FRMPD4: variants seen among roughly 807,000 people sequenced by gnomAD.
FRMPD4 encodes FERM and PDZ domain-containing protein 4.
Under a neutral mutation model 94.1 loss-of-function variants are expected in FRMPD4, and 22 were observed. The observed-to-expected ratio is 0.23, with a 90% confidence interval of 0.17 to 0.33. The LOEUF (loss-of-function observed/expected upper bound fraction) is 0.33, where lower values mean the gene tolerates loss of function less well. Ranked by LOEUF, FRMPD4 falls within the 10% of genes least tolerant of loss-of-function variation. The pLI is 1.00. For missense variants in FRMPD4, 1,111 were observed against 1,339.9 expected (o/e 0.83, Z 2.67); for synonymous variants, 631 against 548.6 (o/e 1.15, Z -2.10).
chrX:12,130,378 G>C (rs2055542262), intron 3 of FRMPD4, among the ~76,000 whole-genome samples: 1 of 111,062 alleles, frequency 9.0e-6, no homozygotes, highest in Non-Finnish European at 1.9e-5. Context: ...GAAGCAGGGA[G>C]GAGGGAGGGA....
chrX:12,509,251 A>C (rs2058018791), intron 2 of FRMPD4, among the ~76,000 whole-genome samples: 1 of 111,441 alleles, frequency 9.0e-6, no homozygotes, highest in Non-Finnish European at 1.9e-5. Context: ...ACCCAGAGGA[A>C]AAGAAGTCAT....
At chrX:12,621,968 GAGAAAGAAAGAAAGAAAGAAAGAA>G (rs1171799513) in intron 4 of FRMPD4, among the ~76,000 whole-genome samples, 1 of 41,077 alleles carries the variant, frequency 2.4e-5, no homozygotes, top group African/African-American at 1.1e-4. Flanking sequence ...AAGAAAGAAA[GAGAAAGAAAGAAAGAAAGAAAGAA>G]AGAAAGAAAG....
At chrX:12,524,542 G>C (rs1417702003) in intron 2 of FRMPD4, among the ~76,000 whole-genome samples, 1 of 111,715 alleles carries the variant, frequency 9.0e-6, no homozygotes, top group Non-Finnish European at 1.9e-5. Context: ...ATGATGGAGA[G>C]AAGGAAGAAG....
intron 1 of FRMPD4, among the ~76,000 whole-genome samples, chrX:12,162,339 G>C (rs1398150434): frequency 1.8e-5 from 2 of 112,147 alleles, no homozygotes; most frequent in Admixed American, 9.4e-5. Flanking sequence ...ACAATAGCAA[G>C]CTTAAGAAAG....
At chrX:12,067,263 C>T (rs1268028321) in intron 3 of FRMPD4, among the ~76,000 whole-genome samples, 1 of 110,820 alleles carries the variant, frequency 9.0e-6, no homozygotes, top group South Asian at 3.9e-4. Context: ...AGATAGCCAC[C>T]GCACCTTTGA....
intron 1 of FRMPD4, among the ~76,000 whole-genome samples, chrX:12,160,068 GGTGTGTGTGTGT>G (rs757966489): frequency 1.7e-4 from 17 of 100,083 alleles, no homozygotes; most frequent in Admixed American, 3.3e-4. Flanking sequence ...GATGTTGAGG[GGTGTGTGTGTGT>G]GTGTGTGTGT....
At chrX:12,626,402 G>GA (rs943587150) in intron 4 of FRMPD4, among the ~76,000 whole-genome samples, 2 of 105,639 alleles carry the variant, frequency 1.9e-5, no homozygotes, top group Non-Finnish European at 3.9e-5. Flanking sequence ...CAAAGACAAA[G>GA]AAAAAATTCT....
rs144183507 is a variant in FRMPD4 at position 12,478,438 on chromosome X, G to A, written c.42-20242G>A. 7.7e-4 allele frequency among the ~76,000 whole-genome samples: 86 copies of A among 111,628 alleles called. 1 individual carries two copies. The East Asian group carries it at 0.019, about 24-fold the overall frequency. On this transcript the variant is annotated intron_variant, in intron 1 of 16. Transcript: ENST00000675598. ...AAAAATAAAAATAAATTAGCTAGGC[G>A]CATGGTGGTGCGTGCTATGCCTGTG...
chrX:12,055,609 TA>T (rs1267540509), intron 3 of FRMPD4, among the ~76,000 whole-genome samples: 1 of 111,859 alleles, frequency 8.9e-6, no homozygotes, highest in East Asian at 2.8e-4. Flanking sequence ...ATACATTACC[TA>T]GCCTCAGGTA....
At position 12,553,460 on chromosome X, in the gene FRMPD4, A is replaced by ATATATATATG. The variant is rs769330484; in HGVS notation, c.158+54671_158+54672insATGTATATAT. On this transcript the variant is annotated intron_variant, in intron 2 of 16. Transcript: ENST00000675598. ...TATATATATATATATATATATATAT[A>ATATATATATG]TATATATCTAATCCACTAATTTATT... Among the ~76,000 whole-genome samples, 453 of 81,527 alleles carry ATATATATATG rather than the reference A, an allele frequency of 5.6e-3. 9 individuals are homozygous for ATATATATATG. The highest frequency in any genetic ancestry group is 6.6e-3 in the Non-Finnish European group (291 of 44,407). The allele number at this position is 81,527 out of a possible 115,157, so 70.8% of individuals were successfully genotyped here. A position where few individuals can be genotyped will look rare whatever the true frequency, so the allele number is the denominator to read the frequency against.
chrX:12,048,198 C>T (rs772074384), intron 3 of FRMPD4, among the ~76,000 whole-genome samples: 40 of 111,963 alleles, frequency 3.6e-4, no homozygotes, highest in Non-Finnish European at 6.0e-4. Context: ...CTGTTCTGGC[C>T]GGTATGATAT....
chrX:12,427,748 A>G (rs750926291), intron 1 of FRMPD4, among the ~76,000 whole-genome samples: 1 of 111,366 alleles, frequency 9.0e-6, no homozygotes, highest in South Asian at 3.8e-4. Flanking sequence ...CCCCAGACAC[A>G]AATATATTTA....
intron 1 of FRMPD4, among the ~76,000 whole-genome samples, chrX:12,246,669 C>CTTTT (rs201577016): frequency 9.4e-6 from 1 of 106,482 alleles, no homozygotes; most frequent in Non-Finnish European, 1.9e-5. Context: ...AATTTCTGTT[C>CTTTT]TTTTTTTTTT....
At chrX:12,233,984 A>ATTTATTTAT (rs1225983853) in intron 1 of FRMPD4, among the ~76,000 whole-genome samples, 1 of 106,904 alleles carries the variant, frequency 9.4e-6, no homozygotes, top group Non-Finnish European at 1.9e-5. Context: ...TGAATTATTT[A>ATTTATTTAT]TTTATTTATT....
intron 8 of FRMPD4, among the ~76,000 whole-genome samples, chrX:12,692,298 A>G (rs1347010671): frequency 8.9e-6 from 1 of 112,465 alleles, no homozygotes; most frequent in Non-Finnish European, 1.9e-5. Context: ...AAATCAAGTG[A>G]AGTGCTAAAA....
chrX:12,545,235 C>CTT (rs2058461985), intron 2 of FRMPD4, among the ~76,000 whole-genome samples: 1 of 82,917 alleles, frequency 1.2e-5, no homozygotes, highest in Non-Finnish European at 2.4e-5. Flanking sequence ...AATTTGTAAA[C>CTT]ATTCTTTAAA....
chrX:12,718,984 C>T (rs975156107), intron 16 of FRMPD4, among the ~76,000 whole-genome samples, 194 bp downstream of exon 16: 17 of 112,548 alleles, frequency 1.5e-4, no homozygotes, highest in Non-Finnish European at 3.2e-4. Flanking sequence ...GTGAAAATGG[C>T]ATTTGCTCTT....
intron 3 of FRMPD4, among the ~76,000 whole-genome samples, chrX:12,012,826 A>G (rs5935225): frequency 0.087 from 9,702 of 111,858 alleles, 359 homozygotes; most frequent in East Asian, 0.24. Flanking sequence ...GGGCAGAAAA[A>G]GACAGAAGAA....
chrX:12,300,840 G>A (rs766677623), intron 1 of FRMPD4, among the ~76,000 whole-genome samples: 30 of 111,578 alleles, frequency 2.7e-4, no homozygotes, highest in African/African-American at 9.8e-4. Flanking sequence ...AACAAGCTTT[G>A]ACTTGGAATA....
Sources: allele counts gnomAD v4.1 joint callset (sites outside exome capture counted in the v4.1 genomes callset), GRCh38; gene constraint gnomAD v4.1.1; transcripts MANE v1.5; gene names NCBI Gene and HGNC (gene_info 2026-07-23, HGNC 2026-07-21).